DPP10: variants seen among roughly 807,000 people sequenced by gnomAD.
DPP10 encodes dipeptidyl peptidase like 10.
Under a neutral mutation model 120.9 loss-of-function variants are expected in DPP10, and 33 were observed. The observed-to-expected ratio is 0.27, with a 90% CI of 0.21 to 0.37. The LOEUF is 0.37. Ranked by LOEUF, DPP10 falls within the 10% of genes least tolerant of loss-of-function variation. DPP10 has a pLI of 1.00. For synonymous variants in DPP10, 337 were observed against 326.1 expected, an observed-to-expected ratio of 1.03 and a Z score of -0.36; for missense variants, 816 against 942.8, an observed-to-expected ratio of 0.87 and a Z score of 1.76.
chr2:115,308,250 A>G (rs746170353), intron 1 of DPP10, among the ~76,000 whole-genome samples: 2 of 152,072 alleles, frequency 1.3e-5, no homozygotes, highest in African/African-American at 2.4e-5. Context: ...AAGCGGCTCT[A>G]CGGCTTCTGG....
At chr2:114,555,808 G>A (rs1298800905) in intron 1 of DPP10, among the ~76,000 whole-genome samples, 3 of 152,106 alleles carry the variant, frequency 2.0e-5, no homozygotes, top group African/African-American at 7.2e-5. Flanking sequence ...TCATATATAA[G>A]TGTAGTTGTA....
At chr2:115,705,240 A>G (rs2092054802) in intron 7 of DPP10, among the ~76,000 whole-genome samples, 1 of 151,984 alleles carries the variant, frequency 6.6e-6, no homozygotes, top group African/African-American at 2.4e-5. Flanking sequence ...TTTCAAACAT[A>G]TCTTTGAAAT....
chr2:114,735,288 G>GA (rs1485660697), intron 1 of DPP10, among the ~76,000 whole-genome samples: 1 of 152,062 alleles, frequency 6.6e-6, no homozygotes, highest in Non-Finnish European at 1.5e-5. Flanking sequence ...AGTATTACAA[G>GA]AACACCACCC....
chr2:115,540,260 A>G lies in DPP10; in HGVS notation c.441+14288A>G, dbSNP rs534840691. 1.2e-4 allele frequency among the ~76,000 whole-genome samples: 18 copies of G among 152,066 alleles called. No homozygotes were observed. The East Asian group carries it at 3.3e-3, about 28-fold the overall frequency. ...ACTGAAGTATTGCATTATGATGCTT[A>G]ATTCTACTTACTTAAACTTCATGAT... On this transcript the variant is annotated intron_variant, in intron 5 of 25. Coordinates refer to ENST00000410059, the MANE Select transcript of DPP10 (RefSeq NM_020868.6).
chr2:114,870,987 C>T (rs1027369942), intron 1 of DPP10, among the ~76,000 whole-genome samples: 1 of 124,916 alleles, frequency 8.0e-6, no homozygotes, highest in Non-Finnish European at 1.7e-5. Context: ...TTTTTCTTTT[C>T]TTTTTTTTTT....
At chr2:115,481,536 T>A (rs889245342) in intron 3 of DPP10, among the ~76,000 whole-genome samples, 1 of 152,092 alleles carries the variant, frequency 6.6e-6, no homozygotes, top group African/African-American at 2.4e-5. Context: ...CAATGAGGCT[T>A]TTTTGATGAC....
chr2:114,639,185 T>C (rs763067742), intron 1 of DPP10, among the ~76,000 whole-genome samples: 1 of 151,858 alleles, frequency 6.6e-6, no homozygotes, highest in Non-Finnish European at 1.5e-5. Context: ...CTCACAATCA[T>C]AGCTGAAGGT....
At chr2:115,417,640 A>C (rs1487636429) in intron 3 of DPP10, among the ~76,000 whole-genome samples, 2 of 152,174 alleles carry the variant, frequency 1.3e-5, no homozygotes, top group Non-Finnish European at 2.9e-5. Flanking sequence ...AGTTTTTCCA[A>C]AATCACAGCT....
chr2:115,006,834 C>A (rs1462698929), intron 1 of DPP10, among the ~76,000 whole-genome samples: 1 of 151,386 alleles, frequency 6.6e-6, no homozygotes, highest in Non-Finnish European at 1.5e-5. Context: ...ACAAGGATAC[C>A]CAGGAATTGA....
chr2:114,773,886 AT>A (rs1310086023), intron 1 of DPP10, among the ~76,000 whole-genome samples: 1 of 152,214 alleles, frequency 6.6e-6, no homozygotes, highest in Non-Finnish European at 1.5e-5. Flanking sequence ...GAACAAAAAA[AT>A]AAATATATAC....
chr2:114,609,188 A>G (rs920549128), intron 1 of DPP10, among the ~76,000 whole-genome samples: 16 of 152,184 alleles, frequency 1.1e-4, no homozygotes, highest in Admixed American at 3.9e-4. Flanking sequence ...AAGAGCCACA[A>G]TGAGGGTATA....
At chr2:114,927,941 A>G (rs1208849626) in intron 1 of DPP10, among the ~76,000 whole-genome samples, 2 of 151,994 alleles carry the variant, frequency 1.3e-5, no homozygotes, top group African/African-American at 2.4e-5. Flanking sequence ...CTTTTTATCA[A>G]CCAACTCTTG....
At chr2:115,772,031 T>A (rs1180561571) in intron 13 of DPP10, among the ~76,000 whole-genome samples, 2 of 152,048 alleles carry the variant, frequency 1.3e-5, no homozygotes, top group East Asian at 3.9e-4. Flanking sequence ...AGAGCTGTCC[T>A]TGTTAAAGTG....
At chr2:115,534,646 A>C (rs1164276635) in intron 5 of DPP10, among the ~76,000 whole-genome samples, 3 of 151,776 alleles carry the variant, frequency 2.0e-5, no homozygotes, top group South Asian at 2.1e-4. Flanking sequence ...TGGCTGGATC[A>C]AATGGTATTT....
chr2:115,309,379 T>C, intron 2 of DPP10, 26 bp downstream of exon 2: 3 of 1,594,732 alleles, frequency 1.9e-6, no homozygotes, highest in African/African-American at 1.3e-5. Flanking sequence ...TCCTCTCTTA[T>C]GATGGATGGT....
At chr2:114,598,316 A>G (rs998861677) in intron 1 of DPP10, among the ~76,000 whole-genome samples, 12 of 151,852 alleles carry the variant, frequency 7.9e-5, no homozygotes, top group Non-Finnish European at 1.6e-4. Context: ...GAGAAATGTA[A>G]TGATCAAACT....
chr2:115,072,404 T>C (rs1707440019), intron 1 of DPP10, among the ~76,000 whole-genome samples: 1 of 152,238 alleles, frequency 6.6e-6, no homozygotes, highest in East Asian at 1.9e-4. Flanking sequence ...TGATTTTGCC[T>C]ATGTGTAGAT....
chr2:114,673,317 G>C (rs1372093204), intron 1 of DPP10, among the ~76,000 whole-genome samples: 3 of 152,078 alleles, frequency 2.0e-5, no homozygotes, highest in East Asian at 3.9e-4. Context: ...CATCACATTT[G>C]ATTAGTCATA....
At chr2:114,442,896 A>G in intron 1 of DPP10, 58 bp downstream of exon 1, 1 of 1,595,054 alleles carries the variant, frequency 6.3e-7, no homozygotes, top group Non-Finnish European at 8.6e-7. Context: ...TCTACCTAAC[A>G]CATGGGCATT....
Sources: allele counts gnomAD v4.1 joint callset (sites outside exome capture counted in the v4.1 genomes callset), GRCh38; gene constraint gnomAD v4.1.1; transcripts MANE v1.5; gene names NCBI Gene and HGNC (gene_info 2026-07-23, HGNC 2026-07-21).